Variants in WDR91 observed in about 807,000 individuals in gnomAD.
WDR91 encodes WD repeat domain 91.
A neutral mutation model predicts 88.4 loss-of-function variants in WDR91; 52 were observed. The ratio of observed to expected loss-of-function variants is 0.59; its 90% CI spans 0.47 to 0.74. WDR91 has a LOEUF of 0.74. WDR91 is among the 30% of genes least tolerant of loss of function. The pLI is 0.00. For synonymous variants in WDR91, 362 were observed against 389.5 expected, an observed-to-expected ratio of 0.93 and a Z score of 0.83; for missense variants, 824 against 954.5, an observed-to-expected ratio of 0.86 and a Z score of 1.80.
Position 135,204,402 on chromosome 7 carries a change from G to C in WDR91, c.757C>G (p.Leu253Val), listed in dbSNP as rs758909478. 4 of 1,614,182 alleles carry C rather than the reference G, an allele frequency of 2.5e-6. No homozygotes were observed. In the South Asian group the frequency reaches 4.4e-5, roughly 18 times the overall value. The change falls in exon 6 of 15, where the codon CTC becomes GTC. Residue 253 changes from leucine to valine, a missense_variant. Coordinates refer to ENST00000354475, the MANE Select transcript of WDR91 (RefSeq NM_014149.4). Reference protein sequence around the residue: ...AMVCSQRNASLSQSPRVGFLS... With the variant: ...AMVCSQRNASVSQSPRVGFLS... ...AAGCCCACACGAGGTGACTGGGAGA[G>C]GGAGGCATTCCTTTGGCTGCACACC...
chr7:135,208,654 C>T lies in WDR91; in HGVS notation c.511+137G>A, dbSNP rs555576952. 2.8e-5 allele frequency: 19 copies of T among 681,140 alleles called. No individual in the cohort carries two copies. In the African/African-American group the frequency reaches 3.5e-4, roughly 13 times the overall value. The allele number at this position is 681,140 out of a possible 1,614,324, so 42.2% of individuals were successfully genotyped here. On this transcript the variant is annotated intron_variant, in intron 3 of 14. Coordinates refer to ENST00000354475, the MANE Select transcript of WDR91 (RefSeq NM_014149.4). ...ACAAAAACAACCACAATTTGTCCAG[C>T]CCCCTCATGTGACCCATAAAAATGG...
chr7:135,210,204 G>C (rs781357977), intron 1 of WDR91, among the ~76,000 whole-genome samples: 1 of 152,184 alleles, frequency 6.6e-6, no homozygotes, highest in Non-Finnish European at 1.5e-5. Flanking sequence ...ACAAAAATTA[G>C]CTGGACGTGG....
chr7:135,186,839 C>T, intron 14 of WDR91, 133 bp downstream of exon 14: 2 of 1,091,624 alleles, frequency 1.8e-6, no homozygotes, highest in Non-Finnish European at 2.7e-6. Context: ...GCCAGCGATC[C>T]TTTGTCAAAG....
chr7:135,191,429 C>A (rs1831158963), intron 11 of WDR91, among the ~76,000 whole-genome samples: 1 of 151,678 alleles, frequency 6.6e-6, no homozygotes, highest in South Asian at 2.1e-4. Flanking sequence ...CATGGTGAAA[C>A]CCCATTTCTA....
intron 11 of WDR91, among the ~76,000 whole-genome samples, chr7:135,192,836 G>A (rs1219828659): frequency 1.3e-5 from 2 of 152,180 alleles, no homozygotes; most frequent in East Asian, 1.9e-4. Flanking sequence ...GCTCTGAGGT[G>A]GTGCCCAGGT....
intron 5 of WDR91, among the ~76,000 whole-genome samples, chr7:135,205,704 G>A (rs1831743620): frequency 6.6e-6 from 1 of 152,216 alleles, no homozygotes; most frequent in South Asian, 2.1e-4. Flanking sequence ...AAGTTGCTTT[G>A]AGCCAAGATT....
At chr7:135,191,654 A>T (rs1318256028) in intron 11 of WDR91, among the ~76,000 whole-genome samples, 1 of 151,658 alleles carries the variant, frequency 6.6e-6, no homozygotes, top group Non-Finnish European at 1.5e-5. Context: ...AAAATTCAAG[A>T]CAGGTTCTCT....
intron 9 of WDR91, among the ~76,000 whole-genome samples, chr7:135,194,217 C>T (rs1831278775): frequency 6.6e-6 from 1 of 152,180 alleles, no homozygotes; most frequent in African/African-American, 2.4e-5. Flanking sequence ...ATAATAGTGC[C>T]AGAGGAAAGT....
At chr7:135,193,148 A>G (rs1049000781) in intron 11 of WDR91, 83 bp downstream of exon 11, 6 of 1,529,600 alleles carry the variant, frequency 3.9e-6, no homozygotes, top group Non-Finnish European at 5.3e-6. Flanking sequence ...CCAAAGCAAA[A>G]AGAGGGAAGA....
At chr7:135,208,724 G>A (rs1362711473) in intron 3 of WDR91, 67 bp downstream of exon 3, 23 of 1,402,644 alleles carry the variant, frequency 1.6e-5, no homozygotes, top group East Asian at 4.8e-5. Context: ...GGAGACCAGC[G>A]GGCTACTGAT....
chr7:135,209,502 C>A (rs761639557), intron 2 of WDR91, 74 bp downstream of exon 2: 12 of 1,404,378 alleles, frequency 8.5e-6, no homozygotes, highest in South Asian at 3.1e-5. Flanking sequence ...TCCCTAGGAA[C>A]TGGAAGAAAA....
intron 1 of WDR91, among the ~76,000 whole-genome samples, chr7:135,211,124 C>A (rs1832000806): frequency 6.6e-6 from 1 of 152,188 alleles, no homozygotes; most frequent in Admixed American, 6.5e-5. Context: ...GGAGACAGAA[C>A]CCTAGACCAG....
intron 1 of WDR91, chr7:135,209,969 A>C: frequency 2.4e-6 from 1 of 412,586 alleles, no homozygotes; most frequent in South Asian, 4.7e-5. Flanking sequence ...AAGCACGGAA[A>C]TTTCAGGTGT....
At chr7:135,201,164 A>C (rs1025367258) in intron 6 of WDR91, among the ~76,000 whole-genome samples, 16 of 152,134 alleles carry the variant, frequency 1.1e-4, no homozygotes, top group African/African-American at 3.9e-4. Context: ...ATAATGAGGT[A>C]ATTTCCATGG....
Position 135,192,979 on chromosome 7 carries a change from C to T in WDR91, c.1659+252G>A, listed in dbSNP as rs183338352. On this transcript the variant is annotated intron_variant, in intron 11 of 14. Transcript: ENST00000354475. ...GGTAACAGTATGTCAGAGGGAGGCA[C>T]GAGTCCTCTCCTAAATAATCAACCA... 4.0e-3 allele frequency among the ~76,000 whole-genome samples: 602 copies of T among 152,286 alleles called. 11 individuals carry two copies. The South Asian group carries it at 0.049, about 12-fold the overall frequency.
In WDR91 at chr7:135,185,923, C is replaced by A; in HGVS notation, c.*228G>T. The A allele has an allele frequency of 2.0e-6, 1 of 510,528 alleles. No individual in the cohort carries two copies. The highest frequency in any genetic ancestry group is 3.4e-6 in the Non-Finnish European group (1 of 295,882). 31.6% of individuals were successfully genotyped at this position (510,528 alleles called of 1,614,324 possible). A position where few individuals can be genotyped will look rare whatever the true frequency, so the allele number is the denominator to read the frequency against. ...TTCCTCCCATAGTCTCACATGTACT[C>A]CTGGCACAGCCACAATACCAGTCTC... is the stretch of plus-strand genomic sequence containing the variant. On this transcript the variant is annotated 3_prime_UTR_variant, in exon 15 of 15. Transcript: ENST00000354475.
In WDR91 at chr7:135,209,624, G is replaced by T. The variant is rs747993673; in HGVS notation, c.255C>A (p.His85Gln). 1.2e-6 allele frequency: 2 copies of T among 1,610,968 alleles called. No homozygotes were observed. The highest frequency in any genetic ancestry group is 2.2e-5 in the South Asian group (2 of 90,606). Reference sequence around the variant, plus strand: ...ATCGAAACAGGCTGGTTTTCAGCTTGTGGATTGTGGGTCTGTATATATCCT... The same window carrying T: ...ATCGAAACAGGCTGGTTTTCAGCTTTTGGATTGTGGGTCTGTATATATCCT... Reference protein sequence around the residue: ...RLEDIYRPTIHKLKTSLFRFY... With the variant: ...RLEDIYRPTIQKLKTSLFRFY... Residue 85 changes from histidine (H) to glutamine (Q), a missense_variant, in exon 2 of 15, where the codon CAC (histidine) becomes CAA (glutamine). By Grantham distance (24) the His-to-Gln change is conservative (BLOSUM62 0). Coordinates refer to ENST00000354475, the MANE Select transcript of WDR91 (RefSeq NM_014149.4).
chr7:135,194,342 A>G (rs1277617994), intron 9 of WDR91, among the ~76,000 whole-genome samples: 1 of 152,210 alleles, frequency 6.6e-6, no homozygotes, highest in Non-Finnish European at 1.5e-5. Context: ...GTCCTCATCC[A>G]TGAGGATAAT....
rs1448904459 is a variant in WDR91, at chr7:135,196,576, G to T, written c.1051-239C>A. On this transcript the variant is annotated intron_variant, in intron 7 of 14. Transcript: ENST00000354475. The surrounding 1 kb of genome is among the most constrained non-coding windows in gnomAD (Gnocchi z 4.2). Reference sequence around the variant, plus strand: ...GCTCCACACAGGCCCTGCTGAAGGAGAGGGGGCTGTGGCCTCTCTGTGACA... The same window carrying T: ...GCTCCACACAGGCCCTGCTGAAGGATAGGGGGCTGTGGCCTCTCTGTGACA... Among the ~76,000 whole-genome samples the T allele has an allele frequency of 6.6e-6, 1 of 152,168 alleles. No homozygotes were observed. The highest frequency in any genetic ancestry group is 2.4e-5 in the African/African-American group (1 of 41,434).
Sources: allele counts gnomAD v4.1 joint callset (sites outside exome capture counted in the v4.1 genomes callset), GRCh38; gene constraint gnomAD v4.1.1; non-coding constraint Gnocchi (gnomAD v3.1); transcripts MANE v1.5; gene names NCBI Gene and HGNC (gene_info 2026-07-23, HGNC 2026-07-21).